Variants in PCDH15 observed in about 807,000 individuals in gnomAD.
PCDH15 encodes protocadherin-15.
PCDH15 carries 129 observed loss-of-function variants against 178.5 expected under a neutral mutation model. The observed-to-expected ratio is 0.72, with a 90% confidence interval of 0.63 to 0.84. PCDH15 has a LOEUF of 0.84. Ranked by LOEUF, PCDH15 falls within the 40% of genes least tolerant of loss-of-function variation. The pLI, the probability that PCDH15 is intolerant of heterozygous loss-of-function variation, is 0.00. For missense variants in PCDH15, 2,230 were observed against 2,099.9 expected, an observed-to-expected ratio of 1.06 and a Z score of -1.21; for synonymous variants, 800 against 732.0, an observed-to-expected ratio of 1.09 and a Z score of -1.50.
At chr10:54,707,820 A>G (rs1382006643) in intron 1 of PCDH15, among the ~76,000 whole-genome samples, 2 of 152,170 alleles carry the variant, frequency 1.3e-5, no homozygotes, top group Non-Finnish European at 2.9e-5. Flanking sequence ...CATCAAATAC[A>G]TAGAAACCTA....
At chr10:53,893,246 G>A (rs1004896140) in intron 26 of PCDH15, among the ~76,000 whole-genome samples, 6 of 151,982 alleles carry the variant, frequency 3.9e-5, no homozygotes, top group African/African-American at 1.4e-4. Flanking sequence ...TATGATACAT[G>A]GATAACATTC....
intron 23 of PCDH15, among the ~76,000 whole-genome samples, chr10:53,953,009 G>C (rs1336976329): frequency 6.6e-6 from 1 of 152,208 alleles, no homozygotes. Flanking sequence ...GTCTCAGCTG[G>C]GTGATTGCAC....
intron 3 of PCDH15, among the ~76,000 whole-genome samples, chr10:54,863,135 T>G (rs1490126377): frequency 6.6e-6 from 1 of 152,190 alleles, no homozygotes; most frequent in Non-Finnish European, 1.5e-5. Context: ...TATAGATAGT[T>G]TAAGTTATAA....
intron 2 of PCDH15, among the ~76,000 whole-genome samples, chr10:55,460,119 T>C (rs1370302660): frequency 6.6e-6 from 1 of 151,782 alleles, no homozygotes. Context: ...GAGTTGGGGG[T>C]ACGAATCAGG....
chr10:53,946,157 A>C (rs2086556693), intron 23 of PCDH15, among the ~76,000 whole-genome samples: 1 of 152,174 alleles, frequency 6.6e-6, no homozygotes, highest in South Asian at 2.1e-4. Flanking sequence ...AGTAACTATT[A>C]ATAAATCCAC....
intron 2 of PCDH15, among the ~76,000 whole-genome samples, chr10:54,604,477 A>G (rs2092666145): frequency 6.6e-6 from 1 of 152,054 alleles, no homozygotes; most frequent in Non-Finnish European, 1.5e-5. Context: ...CATTTACAAT[A>G]GTTATATCTT....
chr10:55,147,580 C>T (rs1210717415), intron 2 of PCDH15, among the ~76,000 whole-genome samples: 3 of 150,906 alleles, frequency 2.0e-5, no homozygotes, highest in Non-Finnish European at 4.4e-5. Flanking sequence ...TCCTTCTTTT[C>T]TTTCTTTCCT....
chr10:55,451,939 A>G (rs915233024), intron 2 of PCDH15, among the ~76,000 whole-genome samples: 1 of 152,254 alleles, frequency 6.6e-6, no homozygotes, highest in Admixed American at 6.5e-5. Context: ...ATATCACAAC[A>G]TATTCCAGGA....
At chr10:54,371,310 A>G (rs1020717194) in intron 4 of PCDH15, among the ~76,000 whole-genome samples, 15 of 151,838 alleles carry the variant, frequency 9.9e-5, no homozygotes, top group Non-Finnish European at 1.5e-5. Context: ...ACATGACAGC[A>G]CTGTAAATGG....
chr10:54,461,351 T>G (rs1460565625), intron 3 of PCDH15, among the ~76,000 whole-genome samples: 1 of 152,146 alleles, frequency 6.6e-6, no homozygotes, highest in Non-Finnish European at 1.5e-5. Flanking sequence ...CTTTACTTTT[T>G]GCAAGTTGTA....
At chr10:54,976,022 T>A (rs955562836) in intron 2 of PCDH15, among the ~76,000 whole-genome samples, 4 of 152,120 alleles carry the variant, frequency 2.6e-5, no homozygotes, top group African/African-American at 9.7e-5. Context: ...TCCTTAAGTG[T>A]ATCATGGAAT....
chr10:54,827,881 A>C (rs2133747850), intron 3 of PCDH15, among the ~76,000 whole-genome samples: 1 of 152,238 alleles, frequency 6.6e-6, no homozygotes. Context: ...TGATGAAATA[A>C]GTTTTTATAT....
intron 3 of PCDH15, among the ~76,000 whole-genome samples, chr10:54,808,646 T>C (rs1046106010): frequency 1.3e-5 from 2 of 152,188 alleles, no homozygotes; most frequent in Non-Finnish European, 2.9e-5. Context: ...ATGTATAAAA[T>C]TTTCTTCCTT....
At chr10:54,146,873 CTATATA>C (rs769243687) in intron 14 of PCDH15, among the ~76,000 whole-genome samples, 35 of 118,852 alleles carry the variant, frequency 2.9e-4, no homozygotes, top group South Asian at 2.0e-3. Flanking sequence ...AAAAAAATCA[CTATATA>C]TATAGTGTGT....
At chr10:54,133,960 T>C (rs111914860) in intron 14 of PCDH15, among the ~76,000 whole-genome samples, 2,549 of 109,662 alleles carry the variant, frequency 0.023, 350 homozygotes, top group African/African-American at 0.07. Context: ...GCCTAAGATG[T>C]ATGCTTTGAA....
At chr10:55,368,441 T>C (rs905192661) in intron 2 of PCDH15, among the ~76,000 whole-genome samples, 1 of 152,122 alleles carries the variant, frequency 6.6e-6, no homozygotes, top group Non-Finnish European at 1.5e-5. Context: ...TCACTTAAAG[T>C]TATTCTGGAA....
intron 1 of PCDH15, among the ~76,000 whole-genome samples, chr10:54,669,334 C>T (rs372066205): frequency 6.6e-6 from 1 of 150,914 alleles, no homozygotes; most frequent in African/African-American, 2.4e-5. Context: ...TTTTTCTTTA[C>T]TAAATATACA....
chr10:55,170,772 C>T (rs1839312425), intron 1 of PCDH15, among the ~76,000 whole-genome samples: 13 of 152,180 alleles, frequency 8.5e-5, no homozygotes, highest in Admixed American at 7.9e-4. Context: ...ATCTCAGCTA[C>T]ACAGGAGGCT....
intron 2 of PCDH15, among the ~76,000 whole-genome samples, chr10:54,556,542 A>T (rs1171627452): frequency 6.6e-6 from 1 of 151,976 alleles, no homozygotes; most frequent in Non-Finnish European, 1.5e-5. Flanking sequence ...TTAGAACATG[A>T]TTTATAATCC....
Sources: allele counts gnomAD v4.1 joint callset (sites outside exome capture counted in the v4.1 genomes callset), GRCh38; gene constraint gnomAD v4.1.1; transcripts MANE v1.5; gene names NCBI Gene and HGNC (gene_info 2026-07-23, HGNC 2026-07-21).